The following SAMD5 variants were observed in gnomAD, a reference collection of about 807,000 sequenced individuals.
SAMD5 encodes sterile alpha motif domain containing 5.
A neutral mutation model predicts 11.3 loss-of-function variants in SAMD5; 13 were observed. The ratio of observed to expected loss-of-function variants is 1.15; its 90% CI spans 0.75 to 1.83. The LOEUF (loss-of-function observed/expected upper bound fraction) is 1.83, where lower values mean the gene tolerates loss of function less well. Ranked by LOEUF, SAMD5 falls within the 40% of genes most tolerant of loss-of-function variation. SAMD5 has a pLI of 0.00. For synonymous variants in SAMD5, 129 were observed against 111.3 expected (o/e 1.16, Z -1.00); for missense variants, 255 against 239.1 (o/e 1.07, Z -0.44).
chr6:147,549,229 C>A (rs1240254496), intron 1 of SAMD5, among the ~76,000 whole-genome samples: 1 of 152,196 alleles, frequency 6.6e-6, no homozygotes, highest in Non-Finnish European at 1.5e-5. Context: ...ATCATCTTGG[C>A]CTGAATTCCT....
intron 1 of SAMD5, among the ~76,000 whole-genome samples, chr6:147,540,774 AGAG>A (rs1235223068): frequency 1.8e-5 from 1 of 54,560 alleles, no homozygotes; most frequent in African/African-American, 1.7e-4. Flanking sequence ...AGACAGAGAG[AGAG>A]GGGGGGGGTC....
chr6:147,567,913 C>A lies in SAMD5; in HGVS notation c.*3457C>A. On this transcript the variant is annotated 3_prime_UTR_variant, in exon 2 of 2. Coordinates refer to ENST00000367474, the MANE Select transcript of SAMD5 (RefSeq NM_001030060.3). ...TCCATCCTGGGCAACAGAGCAAGAT[C>A]CCGTCTCAAAACAAAACAAAACAAA... 1.0e-6 allele frequency: 1 copy of A among 985,988 alleles called. No individual in the cohort carries two copies. The highest frequency in any genetic ancestry group is 1.2e-6 in the Non-Finnish European group (1 of 830,484). The allele number at this position is 985,988 out of a possible 1,614,324, so 61.1% of individuals were successfully genotyped here. A position where few individuals can be genotyped will look rare whatever the true frequency, so the allele number is the denominator to read the frequency against.
chr6:147,649,786 G>A (rs1406715995), intron 1 of SAMD5, among the ~76,000 whole-genome samples: 5 of 110,416 alleles, frequency 4.5e-5, no homozygotes, highest in South Asian at 7.1e-4. Flanking sequence ...GCGAGACAAC[G>A]TCTCAAAAAA....
intron 1 of SAMD5, among the ~76,000 whole-genome samples, chr6:147,626,845 T>A (rs1387239747): frequency 7.1e-6 from 1 of 141,292 alleles, no homozygotes; most frequent in African/African-American, 2.6e-5. Context: ...TGAAGCCATA[T>A]GAAGTACTTA....
chr6:147,623,810 T>A (rs184055733), intron 1 of SAMD5, among the ~76,000 whole-genome samples: 31 of 152,348 alleles, frequency 2.0e-4, no homozygotes, highest in Middle Eastern at 6.8e-3. Context: ...AATGTTTCAA[T>A]TAGACTGAAA....
intron 1 of SAMD5, among the ~76,000 whole-genome samples, chr6:147,611,617 C>T (rs1789788124): frequency 6.6e-6 from 1 of 152,022 alleles, no homozygotes; most frequent in African/African-American, 2.4e-5. Context: ...TGAGGGACAA[C>T]CACTGTGACC....
the SAMD5 span, among the ~76,000 whole-genome samples, chr6:147,786,026 C>A: frequency 6.6e-6 from 1 of 152,138 alleles, no homozygotes; most frequent in Non-Finnish European, 1.5e-5. Context: ...TGTTTAATCT[C>A]CCGCTGTAAT....
chr6:147,574,259 C>A (rs998274694), downstream of SAMD5, among the ~76,000 whole-genome samples: 1 of 152,028 alleles, frequency 6.6e-6, no homozygotes, highest in Non-Finnish European at 1.5e-5. Context: ...CATGTATTAT[C>A]CCATTTAATC....
At chr6:147,670,224 A>G (rs1210762861) in intron 1 of SAMD5, among the ~76,000 whole-genome samples, 1 of 152,188 alleles carries the variant, frequency 6.6e-6, no homozygotes, top group Non-Finnish European at 1.5e-5. Flanking sequence ...AATATTCAAT[A>G]AGCCATGTTG....
the SAMD5 span, among the ~76,000 whole-genome samples, chr6:147,889,931 A>C: frequency 2.0e-5 from 3 of 152,146 alleles, no homozygotes; most frequent in Non-Finnish European, 4.4e-5. Context: ...TCCCTTTGGC[A>C]TTGGTGTCCC....
At chr6:147,718,690 G>GTTT (rs57474457) in intron 1 of SAMD5, among the ~76,000 whole-genome samples, 3 of 151,396 alleles carry the variant, frequency 2.0e-5, no homozygotes, top group African/African-American at 7.3e-5. Flanking sequence ...GCTCTTTCTC[G>GTTT]TTTTTTTTCT....
intron 1 of SAMD5, among the ~76,000 whole-genome samples, chr6:147,589,484 A>G (rs1412762310): frequency 6.6e-6 from 1 of 152,114 alleles, no homozygotes; most frequent in Non-Finnish European, 1.5e-5. Flanking sequence ...GAGTCAGACT[A>G]CCTGGGTCCA....
At chr6:147,788,731 G>T in the SAMD5 span, among the ~76,000 whole-genome samples, 1 of 152,180 alleles carries the variant, frequency 6.6e-6, no homozygotes, top group African/African-American at 2.4e-5. Context: ...GTGTGATGAT[G>T]CTTGCCAGTG....
the SAMD5 span, among the ~76,000 whole-genome samples, chr6:147,911,723 A>C: frequency 6.6e-6 from 1 of 152,220 alleles, no homozygotes; most frequent in Non-Finnish European, 1.5e-5. Flanking sequence ...GAAACTACCC[A>C]AAAACTTAGT....
At chr6:147,681,760 C>G (rs1790943453) in intron 1 of SAMD5, among the ~76,000 whole-genome samples, 1 of 152,050 alleles carries the variant, frequency 6.6e-6, no homozygotes, top group Admixed American at 6.6e-5. Flanking sequence ...TAGTTAGGAC[C>G]CAAACAGTGT....
intron 1 of SAMD5, among the ~76,000 whole-genome samples, chr6:147,637,860 GTTT>G (rs34779416): frequency 5.6e-5 from 8 of 141,914 alleles, no homozygotes; most frequent in African/African-American, 1.5e-4. Flanking sequence ...AGCAAGTTCG[GTTT>G]TTTTTTTTTT....
chr6:147,737,373 G>A, exon 2 of SAMD5: 2 of 1,254,892 alleles, frequency 1.6e-6, no homozygotes, highest in Non-Finnish European at 1.0e-6. Context: ...TTGGAGCTGT[G>A]AATTTAATCA....
Position 147,515,576 on chromosome 6 carries a change from C to G in SAMD5, c.459+6189C>G, listed in dbSNP as rs147328054. On this transcript the variant is annotated intron_variant, in intron 1 of 1. Coordinates refer to ENST00000367474, the MANE Select transcript of SAMD5 (RefSeq NM_001030060.3). ...CCCATCCATCTCTCCATTCATCTAT[C>G]CTTCCATTTATCCATCCATCCATTC... Among the ~76,000 whole-genome samples, 14 of 152,178 alleles carry G rather than the reference C, an allele frequency of 9.2e-5. No individual in the cohort carries two copies. The East Asian group carries it at 2.5e-3, about 27-fold the overall frequency.
At chr6:147,540,935 T>A (rs1204259174) in intron 1 of SAMD5, among the ~76,000 whole-genome samples, 2 of 33,036 alleles carry the variant, frequency 6.1e-5, no homozygotes, top group South Asian at 7.8e-4. Flanking sequence ...AGCCACGCGT[T>A]TTTTTTTTTT....
Sources: gnomAD v4.1 joint callset for allele counts (sites outside exome capture counted in the v4.1 genomes callset) on GRCh38, gnomAD v4.1.1 for gene constraint, MANE v1.5 for transcripts, NCBI Gene and HGNC (gene_info 2026-07-23, HGNC 2026-07-21) for gene names.